The following ABCA8 variants were observed in gnomAD, a reference collection of about 807,000 sequenced individuals.
ABCA8 encodes ATP binding cassette subfamily A member 8, also known as ABC-type organic anion transporter ABCA8.
In ABCA8, 177 loss-of-function variants were observed where a neutral mutation model predicts 192.3. The ratio of observed to expected loss-of-function variants is 0.92; its 90% CI spans 0.81 to 1.04. The LOEUF is 1.04. ABCA8 is among the 50% of genes least tolerant of loss of function. The pLI, the probability that ABCA8 is intolerant of heterozygous loss-of-function variation, is 0.00. For missense variants in ABCA8, 1,915 were observed against 1,904.8 expected (o/e 1.01, Z -0.10); for synonymous variants, 642 against 690.2 (o/e 0.93, Z 1.09).
At position 68,929,525 on chromosome 17, in the gene ABCA8, T is replaced by C. The variant is rs2067799245; in HGVS notation, c.939+36A>G. 9 of 1,595,642 alleles carry C rather than the reference T, an allele frequency of 5.6e-6. No individual in the cohort carries two copies. The East Asian group carries it at 6.7e-5, about 12-fold the overall frequency. The stretch of plus-strand genomic sequence containing the variant: ...TCGGAAACAAACAATTTTTAGGCTA[T>C]AGGTGGATGGAAAGATATTTAATTC... On this transcript the variant is annotated intron_variant, in intron 8 of 39. Transcript: ENST00000586539.
intron 2 of ABCA8, among the ~76,000 whole-genome samples, chr17:68,946,488 G>C (rs1343117873): frequency 6.6e-6 from 1 of 152,162 alleles, no homozygotes. Context: ...CCATTTCTAA[G>C]TCATGATATT....
intron 24 of ABCA8, among the ~76,000 whole-genome samples, chr17:68,890,292 C>T (rs2066592451): frequency 6.6e-6 from 1 of 152,104 alleles, no homozygotes; most frequent in Non-Finnish European, 1.5e-5. Context: ...TTCCTGATTG[C>T]TCATGACATT....
At chr17:68,902,995 G>C (rs1362234280) in intron 20 of ABCA8, 116 bp from the exon 21 acceptor site, 1 of 924,288 alleles carries the variant, frequency 1.1e-6, no homozygotes. Context: ...ACAATTAACT[G>C]TCACATTTCT....
chr17:68,944,029 T>C (rs2068306168), intron 2 of ABCA8, among the ~76,000 whole-genome samples: 1 of 151,818 alleles, frequency 6.6e-6, no homozygotes, highest in Non-Finnish European at 1.5e-5. Context: ...CTGGAAGCCA[T>C]CATCCTCAGC....
At position 68,867,631 on chromosome 17, in the gene ABCA8, T is replaced by C. The variant is rs955700571; in HGVS notation, c.*454A>G. 6.6e-6 allele frequency: 1 copy of C among 152,426 alleles called. No individual in the cohort carries two copies. The highest frequency in any genetic ancestry group is 1.5e-5 in the Non-Finnish European group (1 of 68,260). 9.4% of individuals were successfully genotyped at this position (152,426 alleles called of 1,614,324 possible). A position where few individuals can be genotyped will look rare whatever the true frequency, so the allele number is the denominator to read the frequency against. ...TTTAGCAATAAGAAGCACACTTAAA[T>C]CTATTTCAAAAATATGACATGTTAA... On this transcript the variant is annotated 3_prime_UTR_variant, in exon 40 of 40. Coordinates refer to ENST00000586539, the MANE Select transcript of ABCA8 (RefSeq NM_001288985.2).
At position 68,932,484 on chromosome 17, in the gene ABCA8, G is replaced by C. The variant is rs897726670; in HGVS notation, c.601C>G (p.Leu201Val). The C allele has an allele frequency of 1.9e-6, 3 of 1,613,690 alleles. No individual in the cohort carries two copies. The highest frequency in any genetic ancestry group is 2.5e-6 in the Non-Finnish European group (3 of 1,179,628). The part of the protein sequence containing the change: ...ITTNHSVMEE[L>V]MSVTGKNMKM... ...ATATTTTTTCCAGTAACTGACATCA[G>C]CTCCTCCATCACTGAGTGATTTGTT... The change falls in exon 7 of 40, where the codon CTG (leucine) becomes GTG (valine). Residue 201 changes from leucine to valine, a missense_variant. Transcript: ENST00000586539.
In ABCA8 at chr17:68,876,720, A is replaced by G; in HGVS notation, c.4200-17T>C. ...TCCACTAACCTGAAGGAAACAGGAG[A>G]GTCGTACAGTCTTCTTGACAAGAGG... On this transcript the variant is annotated splice_polypyrimidine_tract_variant and intron_variant, in intron 33 of 39. Coordinates refer to ENST00000586539, the MANE Select transcript of ABCA8 (RefSeq NM_001288985.2). 1.2e-6 allele frequency: 2 copies of G among 1,614,074 alleles called. No individual in the cohort carries two copies. The highest frequency in any genetic ancestry group is 1.7e-6 in the Non-Finnish European group (2 of 1,179,926).
chr17:68,895,067 AG>A (rs2066711638), intron 21 of ABCA8, 54 bp from the exon 22 acceptor site: 1 of 1,477,756 alleles, frequency 6.8e-7, no homozygotes, highest in African/African-American at 1.4e-5. Context: ...ATTAATGTCA[AG>A]TTGTGTAGTC....
chr17:68,876,833 A>G, intron 33 of ABCA8, 130 bp from the exon 34 acceptor site: 1 of 1,052,184 alleles, frequency 9.5e-7, no homozygotes. Context: ...GGGGGCAGGG[A>G]AGGAGGGGTG....
At chr17:68,948,390 C>G (rs534551018) in intron 2 of ABCA8, among the ~76,000 whole-genome samples, 2 of 152,216 alleles carry the variant, frequency 1.3e-5, no homozygotes, top group Non-Finnish European at 1.5e-5. Context: ...TATTTCTTTA[C>G]AGTCTTGTCA....
chr17:68,954,457 T>C (rs1388395546), intron 1 of ABCA8, among the ~76,000 whole-genome samples: 1 of 152,160 alleles, frequency 6.6e-6, no homozygotes, highest in African/African-American at 2.4e-5. Flanking sequence ...TGTTCTGCAG[T>C]TTATGTAAAG....
rs1387594726 is a variant in ABCA8 at position 68,875,283 on chromosome 17, G to A, written c.4608C>T (p.Phe1536=). 6.2e-7 allele frequency: 1 copy of A among 1,613,946 alleles called. No individual in the cohort carries two copies. The highest frequency in any genetic ancestry group is 8.5e-7 in the Non-Finnish European group (1 of 1,180,010). Residue 1536 remains phenylalanine (F), a synonymous_variant, in exon 37 of 40, where the codon TTC becomes TTT. Coordinates refer to ENST00000586539, the MANE Select transcript of ABCA8 (RefSeq NM_001288985.2). ...EPLHAEILRL[F]PQAARQERYS... is the part of the protein sequence containing the mutation. ...ACCTTTCCTGCCGAGCAGCCTGGGG[G>A]AAAAGCCTCAGGATCTCTGCATGGA...
At position 68,927,929 on chromosome 17, in the gene ABCA8, T is replaced by C. The variant is rs752439315; in HGVS notation, c.1260A>G (p.Glu420=). The change falls in exon 10 of 40, where the codon GAA becomes GAG. Residue 420 remains glutamate, a synonymous_variant. Transcript: ENST00000586539. ...ATCATTACTCACTTGGCAAAATTTT[T>C]TCAAAGTAAATCGCCAATGCCAGAT... is the stretch of plus-strand genomic sequence containing the variant. ...CLYLALAIYF[E]KILPNEYGHR... The C allele has an allele frequency of 6.3e-7, 1 of 1,598,338 alleles. No homozygotes were observed. The highest frequency in any genetic ancestry group is 1.3e-5 in the African/African-American group (1 of 74,100).
In ABCA8 at chr17:68,924,518, TTA is replaced by T. The variant is rs574894864; in HGVS notation, c.1442+181_1442+182del. Among the ~76,000 whole-genome samples, 926 of 152,186 alleles carry T rather than the reference TTA, an allele frequency of 6.1e-3. 1 individual carries two copies. Among genetic ancestry groups the T allele is most frequent in the Non-Finnish European group, 9.3e-3 (631 of 67,992 alleles). ...TTATTTAGTGTAAATGTCGACAATG[TTA>T]GGCTGTAAGGGGTTGGTAAAGGGAT... On this transcript the variant is annotated intron_variant, in intron 11 of 39. Coordinates refer to ENST00000586539, the MANE Select transcript of ABCA8 (RefSeq NM_001288985.2).
chr17:68,905,911 G>T (rs1426214890), intron 19 of ABCA8, 133 bp downstream of exon 19: 2 of 792,358 alleles, frequency 2.5e-6, no homozygotes, highest in Non-Finnish European at 3.7e-6. Context: ...TGACAGGGAT[G>T]CGTTTCATTT....
rs187926608 is a variant in ABCA8 at position 68,915,570 on chromosome 17, A to G, written c.2138+1791T>C. Among the ~76,000 whole-genome samples the G allele has an allele frequency of 3.9e-5, 6 of 152,346 alleles. No homozygotes were observed. The East Asian group carries it at 1.2e-3, about 29-fold the overall frequency. On this transcript the variant is annotated intron_variant, in intron 17 of 39. Coordinates refer to ENST00000586539, the MANE Select transcript of ABCA8 (RefSeq NM_001288985.2). ...CAGAGAAATGCAAATCAAAACTACA[A>G]TGAGACATCATCTCACCCCAGTTAG...
chr17:68,952,288 G>C (rs1018253552), intron 1 of ABCA8, among the ~76,000 whole-genome samples: 2 of 152,002 alleles, frequency 1.3e-5, no homozygotes, highest in South Asian at 4.2e-4. Context: ...GTGCGATCTC[G>C]GCTCACTGCA....
chr17:68,887,925 T>TATATGGATG, intron 24 of ABCA8, among the ~76,000 whole-genome samples: 1 of 101,032 alleles, frequency 9.9e-6, no homozygotes, highest in Non-Finnish European at 1.9e-5. Context: ...TATATATATA[T>TATATGGATG]TATATATGGA....
At chr17:68,946,330 T>G (rs1435429091) in intron 2 of ABCA8, among the ~76,000 whole-genome samples, 1 of 152,168 alleles carries the variant, frequency 6.6e-6, no homozygotes, top group African/African-American at 2.4e-5. Context: ...CCTCCCAAAG[T>G]GCTGGGATTA....
Sources: gnomAD v4.1 joint callset for allele counts (sites outside exome capture counted in the v4.1 genomes callset) on GRCh38, gnomAD v4.1.1 for gene constraint, MANE v1.5 for transcripts, NCBI Gene and HGNC (gene_info 2026-07-23, HGNC 2026-07-21) for gene names.